The following PSD4 variants were observed in gnomAD, a reference collection of about 807,000 sequenced individuals.
PSD4 encodes PH and SEC7 domain-containing protein 4.
In PSD4, 59 loss-of-function variants were observed where a neutral mutation model predicts 112.5. That is an observed-to-expected ratio of 0.52 (90% CI 0.43 to 0.65). The LOEUF (loss-of-function observed/expected upper bound fraction) is 0.65, where lower values mean the gene tolerates loss of function less well. Among genes scored for constraint, PSD4 ranks in the 30% least tolerant of loss-of-function variants. The pLI, the probability that PSD4 is intolerant of heterozygous loss-of-function variation, is 0.00. For missense variants in PSD4, 1,267 were observed against 1,352.6 expected (o/e 0.94, Z 0.99); for synonymous variants, 533 against 540.0 (o/e 0.99, Z 0.18).
chr2:113,193,392 C>T (rs915071901), intron 8 of PSD4, 22 bp downstream of exon 8: 1 of 1,604,826 alleles, frequency 6.2e-7, no homozygotes, highest in Non-Finnish European at 8.5e-7. Context: ...CTGGCCCTGA[C>T]AGCAAAGCAG....
intron 1 of PSD4, among the ~76,000 whole-genome samples, chr2:113,180,512 G>C (rs12987410): frequency 0.14 from 21,197 of 152,204 alleles, 1,936 homozygotes; most frequent in Non-Finnish European, 0.2. Flanking sequence ...CCCTGGACGA[G>C]GCCACCTGGG....
chr2:113,192,797 G>GTCCTTGA (rs900378037), intron 6 of PSD4, among the ~76,000 whole-genome samples: 5 of 152,056 alleles, frequency 3.3e-5, no homozygotes, highest in African/African-American at 4.8e-5. Flanking sequence ...TTGGTCCTTG[G>GTCCTTGA]TCCCCACTGC....
In PSD4 at chr2:113,197,831, A is replaced by G; in HGVS notation, c.2542A>G (p.Thr848Ala). Residue 848 changes from threonine (T) to alanine (A), a missense_variant, in exon 14 of 17, where the codon ACC becomes GCC. Physicochemically the swap from Thr to Ala is moderately conservative, Grantham distance 58. This residue lies in a region of PSD4 where 544 missense variants were observed against 648.6 expected (regional missense o/e 0.84). Transcript: ENST00000245796. ...EPVGVHHSLA[T>A]PATHYTKKPH... ...CGTGGGGGTGCACCACTCGCTGGCCACCCCCGCCACGCATTACACCAAGAA... is the reference window on the plus strand; with the variant it reads ...CGTGGGGGTGCACCACTCGCTGGCCGCCCCCGCCACGCATTACACCAAGAA... 1 of 1,596,382 alleles carries G rather than the reference A, an allele frequency of 6.3e-7. No homozygotes were observed. The highest frequency in any genetic ancestry group is 8.5e-7 in the Non-Finnish European group (1 of 1,172,698).
intron 10 of PSD4, 66 bp downstream of exon 10, chr2:113,194,014 G>A: frequency 6.6e-7 from 1 of 1,508,250 alleles, no homozygotes; most frequent in East Asian, 2.3e-5. Flanking sequence ...TTTGTTCCAA[G>A]GGAGATGCTG....
chr2:113,195,268 C>A (rs1206050452), intron 10 of PSD4, among the ~76,000 whole-genome samples: 1 of 151,838 alleles, frequency 6.6e-6, no homozygotes, highest in African/African-American at 2.4e-5. Flanking sequence ...TCAAGCAATT[C>A]TCTTGCCTCA....
chr2:113,178,988 C>A (rs534023299), intron 1 of PSD4, among the ~76,000 whole-genome samples: 245 of 152,304 alleles, frequency 1.6e-3, no homozygotes, highest in Non-Finnish European at 2.9e-3. Flanking sequence ...TTCTCCCCAG[C>A]TTTCCCCTCT....
In PSD4 at chr2:113,186,083, G is replaced by A. The variant is rs752620339; in HGVS notation, c.1456G>A (p.Asp486Asn). 6.2e-7 allele frequency: 1 copy of A among 1,614,238 alleles called. No homozygotes were observed. Among genetic ancestry groups the A allele is most frequent in the Non-Finnish European group, 8.5e-7 (1 of 1,180,042 alleles). ...SSGILPKWTL[D>N]ASQSSLLETD... is the part of the protein sequence containing the mutation. ...AGGCATTTTGCCCAAGTGGACACTAGATGCTTCACAGTCTTCACTCTTGGA... is the reference window on the plus strand; with the variant it reads ...AGGCATTTTGCCCAAGTGGACACTAAATGCTTCACAGTCTTCACTCTTGGA... The change falls in exon 5 of 17, where the codon GAT (aspartate) becomes AAT (asparagine). Residue 486 changes from aspartate (D) to asparagine (N), a missense_variant. This residue lies in a region of PSD4 where 723 missense variants were observed against 704.0 expected (regional missense o/e 1.03). Transcript: ENST00000245796.
At chr2:113,188,191 C>T (rs999300561) in intron 5 of PSD4, among the ~76,000 whole-genome samples, 1 of 151,540 alleles carries the variant, frequency 6.6e-6, no homozygotes, top group South Asian at 2.1e-4. Flanking sequence ...TGAGGGAGCA[C>T]TTTGAAAAAA....
intron 1 of PSD4, among the ~76,000 whole-genome samples, chr2:113,179,164 C>A (rs896672896): frequency 1.3e-5 from 2 of 152,136 alleles, no homozygotes; most frequent in Non-Finnish European, 2.9e-5. Flanking sequence ...GGTGTTTTCC[C>A]TAGTATAGAC....
intron 4 of PSD4, 179 bp from the exon 5 acceptor site, chr2:113,185,698 G>A (rs1427640011): frequency 2.6e-6 from 4 of 1,548,616 alleles, no homozygotes; most frequent in Non-Finnish European, 3.5e-6. Context: ...GGAGGCTTGA[G>A]TCCTGGGAGC....
Position 113,202,028 on chromosome 2 carries a change from G to GGGACC in PSD4, c.*614_*618dup. 1 of 153,510 alleles carries GGGACC rather than the reference G, an allele frequency of 6.5e-6. No individual in the cohort carries two copies. Among genetic ancestry groups the GGGACC allele is most frequent in the South Asian group, 2.1e-4 (1 of 4,862 alleles). 9.5% of individuals were successfully genotyped at this position (153,510 alleles called of 1,614,324 possible). On this transcript the variant is annotated 3_prime_UTR_variant, in exon 17 of 17. Transcript: ENST00000245796. Reference sequence around the variant, plus strand: ...CACTGAGGGGACAGCCTTCTGGGCAGGGACCTCGGGGGGCTTCAAGGGCTC... The same window carrying GGGACC: ...CACTGAGGGGACAGCCTTCTGGGCAGGGACCGGACCTCGGGGGGCTTCAAGGGCTC...
chr2:113,182,503 T>C lies in PSD4; in HGVS notation c.47T>C (p.Ile16Thr), dbSNP rs748490868. Residue 16 changes from isoleucine (I) to threonine (T), a missense_variant, in exon 2 of 17, where the codon ATT (isoleucine) becomes ACT (threonine). By Grantham distance (89) the Ile-to-Thr change is moderately conservative. Coordinates refer to ENST00000245796, the MANE Select transcript of PSD4 (RefSeq NM_012455.3). ...RLPDHPQPME[I>T]LNLYLGDSLE... ...CCTGACCACCCCCAGCCCATGGAAATTCTCAACCTGTACTTGGGAGACAGC... is the reference window on the plus strand; with the variant it reads ...CCTGACCACCCCCAGCCCATGGAAACTCTCAACCTGTACTTGGGAGACAGC... 4.8e-5 allele frequency: 78 copies of C among 1,613,968 alleles called. No individual in the cohort carries two copies. The highest frequency in any genetic ancestry group is 6.7e-5 in the Admixed American group (4 of 59,996).
At chr2:113,174,110 A>C (rs1296167921) in intron 1 of PSD4, 56 bp downstream of exon 1, 2 of 152,892 alleles carry the variant, frequency 1.3e-5, no homozygotes, top group African/African-American at 2.4e-5. Flanking sequence ...GGAGCAGGGA[A>C]TGTGGAGAGT....
At chr2:113,192,881 G>A (rs1172805083) in intron 6 of PSD4, among the ~76,000 whole-genome samples, 167 bp from the exon 7 acceptor site, 1 of 152,198 alleles carries the variant, frequency 6.6e-6, no homozygotes, top group Non-Finnish European at 1.5e-5. Context: ...GGGCATACCA[G>A]ACCCTGGCTG....
chr2:113,185,343 A>T, intron 3 of PSD4, 22 bp from the exon 4 acceptor site: 1 of 1,613,830 alleles, frequency 6.2e-7, no homozygotes, highest in South Asian at 1.1e-5. Context: ...GCTCATGGGA[A>T]TGCCTTTGCC....
Position 113,203,725 on chromosome 2 carries a change from A to G in PSD4, c.*2310A>G, listed in dbSNP as rs1324141344. On this transcript the variant is annotated 3_prime_UTR_variant, in exon 17 of 17. Transcript: ENST00000245796. ...CAGGCGTGTGCCACCACGCCCGGCT[A>G]TTTTTTGTATTTTTAGTAGAGATGG... 1 of 151,400 alleles carries G rather than the reference A, an allele frequency of 6.6e-6. No homozygotes were observed. The highest frequency in any genetic ancestry group is 1.5e-5 in the Non-Finnish European group (1 of 67,902). The allele number at this position is 151,400 out of a possible 1,614,324, so 9.4% of individuals were successfully genotyped here. A position where few individuals can be genotyped will look rare whatever the true frequency, so the allele number is the denominator to read the frequency against.
At chr2:113,176,410 C>T (rs1687981194) in intron 1 of PSD4, among the ~76,000 whole-genome samples, 1 of 152,206 alleles carries the variant, frequency 6.6e-6, no homozygotes, top group South Asian at 2.1e-4. Flanking sequence ...CAGTATTCTC[C>T]ATGAGAAACA....
In PSD4 at chr2:113,197,815, G is replaced by A. The variant is rs764376832; in HGVS notation, c.2526G>A (p.Val842=). 3.1e-6 allele frequency: 5 copies of A among 1,611,066 alleles called. No homozygotes were observed. The highest frequency in any genetic ancestry group is 4.2e-6 in the Non-Finnish European group (5 of 1,177,994). ...AGATGGTGGATGAGCCCGTGGGGGT[G>A]CACCACTCGCTGGCCACCCCCGCCA... ...VGQMVDEPVG[V]HHSLATPATH... The change falls in exon 14 of 17, where the codon GTG becomes GTA. Residue 842 remains valine, a synonymous_variant. Coordinates refer to ENST00000245796, the MANE Select transcript of PSD4 (RefSeq NM_012455.3).
chr2:113,193,545 C>A, intron 8 of PSD4, 47 bp from the exon 9 acceptor site: 1 of 1,572,390 alleles, frequency 6.4e-7, no homozygotes, highest in South Asian at 1.1e-5. Flanking sequence ...GAAACAGGAG[C>A]CCTGGTTCCA....
Sources: allele counts gnomAD v4.1 joint callset (sites outside exome capture counted in the v4.1 genomes callset), GRCh38; gene constraint gnomAD v4.1.1; regional missense constraint gnomAD v4.1.1; transcripts MANE v1.5; gene names NCBI Gene and HGNC (gene_info 2026-07-23, HGNC 2026-07-21).